The following USP43 variants were observed in gnomAD, a reference collection of about 807,000 sequenced individuals.
USP43 encodes ubiquitin carboxyl-terminal hydrolase 43.
USP43 carries 33 observed loss-of-function variants against 90.7 expected under a neutral mutation model. That is an observed-to-expected ratio of 0.36 (90% CI 0.28 to 0.49). The LOEUF (loss-of-function observed/expected upper bound fraction) is 0.49. Among genes scored for constraint, USP43 ranks in the 20% least tolerant of loss-of-function variants. USP43 has a pLI of 0.98. For synonymous variants in USP43, 598 were observed against 615.8 expected (o/e 0.97, Z 0.43); for missense variants, 1,274 against 1,476.4 (o/e 0.86, Z 2.25).
intron 5 of USP43, 71 bp from the exon 6 acceptor site, chr17:9,680,160 C>G: frequency 6.4e-7 from 1 of 1,551,972 alleles, no homozygotes; most frequent in Non-Finnish European, 8.8e-7. Context: ...GACTATCAGT[C>G]ACTTTTAGAT....
chr17:9,703,823 G>T (rs150873385), intron 12 of USP43, among the ~76,000 whole-genome samples: 22 of 152,324 alleles, frequency 1.4e-4, no homozygotes, highest in Admixed American at 1.4e-3. Flanking sequence ...CTGCCCTGCC[G>T]AGATGAGTGA....
At chr17:9,659,733 C>T (rs758577742) in intron 2 of USP43, among the ~76,000 whole-genome samples, 4 of 152,002 alleles carry the variant, frequency 2.6e-5, no homozygotes, top group Non-Finnish European at 5.9e-5. Context: ...AGAAGATCCC[C>T]GAGAGGTTAA....
chr17:9,661,260 G>T (rs1912621010), intron 2 of USP43, among the ~76,000 whole-genome samples: 2 of 152,204 alleles, frequency 1.3e-5, no homozygotes, highest in Non-Finnish European at 2.9e-5. Flanking sequence ...AGGGGATGAG[G>T]CTGGGGAGAA....
chr17:9,651,392 A>G (rs1308323541), intron 1 of USP43, among the ~76,000 whole-genome samples: 1 of 151,964 alleles, frequency 6.6e-6, no homozygotes, highest in Non-Finnish European at 1.5e-5. Context: ...GGGTTTCACC[A>G]TGTTGGCCAG....
At chr17:9,664,973 G>A (rs1365637869) in intron 2 of USP43, among the ~76,000 whole-genome samples, 1 of 152,174 alleles carries the variant, frequency 6.6e-6, no homozygotes, top group Non-Finnish European at 1.5e-5. Context: ...TTACTAAATA[G>A]CGTTATATTA....
chr17:9,659,260 G>A (rs865872213), intron 2 of USP43, among the ~76,000 whole-genome samples: 8 of 152,184 alleles, frequency 5.3e-5, no homozygotes, highest in African/African-American at 1.9e-4. Flanking sequence ...TTGATGCTTT[G>A]CACAATTTAT....
chr17:9,680,708 T>C (rs1216231437), intron 6 of USP43, among the ~76,000 whole-genome samples: 1 of 152,052 alleles, frequency 6.6e-6, no homozygotes, highest in Non-Finnish European at 1.5e-5. Context: ...ATGCTGCTGG[T>C]CCAGGAACCA....
At chr17:9,723,511 C>G (rs928435747) in intron 14 of USP43, among the ~76,000 whole-genome samples, 1 of 132,146 alleles carries the variant, frequency 7.6e-6, no homozygotes, top group African/African-American at 2.9e-5. Context: ...TTTTCCCTTC[C>G]CTTCCTTTCC....
Position 9,712,029 on chromosome 17 carries a change from C to T in USP43, c.2232C>T (p.Ser744=), listed in dbSNP as rs773754736. ...TACGGCTCGGGAGCCACGCTGGCAGCACAAGGGGAAGCCTGCTGTCCTGGA... is the reference window on the plus strand; with the variant it reads ...TACGGCTCGGGAGCCACGCTGGCAGTACAAGGGGAAGCCTGCTGTCCTGGA... ...WLLRLGSHAG[S]TRGSLLSWSS... The change falls in exon 14 of 15, where the codon AGC becomes AGT. Residue 744 remains serine (S), a synonymous_variant. Transcript: ENST00000285199. 1 of 1,612,460 alleles carries T rather than the reference C, an allele frequency of 6.2e-7. No homozygotes were observed. Among genetic ancestry groups the T allele is most frequent in the East Asian group, 2.2e-5 (1 of 44,720 alleles).
chr17:9,672,247 C>T (rs9900469), intron 3 of USP43, among the ~76,000 whole-genome samples: 29,160 of 152,116 alleles, frequency 0.19, 3,006 homozygotes, highest in East Asian at 0.32. Flanking sequence ...TTGCCCACCT[C>T]GGCCTCCCGA....
In USP43 at chr17:9,646,069, A is replaced by C; in HGVS notation, c.437A>C (p.Gln146Pro). 6.6e-7 allele frequency: 1 copy of C among 1,508,408 alleles called. No individual in the cohort carries two copies. Among genetic ancestry groups the C allele is most frequent in the Non-Finnish European group, 8.9e-7 (1 of 1,129,058 alleles). The allele number at this position is 1,508,408 out of a possible 1,614,324, so 93.4% of individuals were successfully genotyped here. ...CCGGGCCGCGCCGAGGTCACCGAGC[A>C]GCTGGCGGCGCTGGTGCGCGCGCTC... ...AAPGRAEVTE[Q>P]LAALVRALWT... is the part of the protein sequence containing the mutation. The change falls in exon 1 of 15, where the codon CAG becomes CCG. Residue 146 changes from glutamine (Q) to proline (P), a missense_variant. By Grantham distance (76) the Gln-to-Pro change is moderately conservative. Transcript: ENST00000285199.
chr17:9,717,769 C>T (rs1027554291), intron 14 of USP43, among the ~76,000 whole-genome samples: 3 of 151,528 alleles, frequency 2.0e-5, no homozygotes, highest in Admixed American at 6.6e-5. Context: ...TTATCTTACT[C>T]GTTACTTTTG....
chr17:9,679,055 G>A (rs752205260), intron 5 of USP43, among the ~76,000 whole-genome samples: 2 of 151,970 alleles, frequency 1.3e-5, no homozygotes, highest in Non-Finnish European at 2.9e-5. Context: ...AACTGTAATA[G>A]TAATAATAGT....
chr17:9,668,062 C>T (rs950775205), intron 3 of USP43, among the ~76,000 whole-genome samples: 25 of 152,194 alleles, frequency 1.6e-4, no homozygotes, highest in African/African-American at 6.0e-4. Flanking sequence ...CACTGTGATT[C>T]TCTGCTGCTC....
rs1268581345 is a variant in USP43 at position 9,701,890 on chromosome 17, G to A, written c.2011+190G>A. Among the ~76,000 whole-genome samples, 1 of 152,216 alleles carries A rather than the reference G, an allele frequency of 6.6e-6. No homozygotes were observed. Among genetic ancestry groups the A allele is most frequent in the Non-Finnish European group, 1.5e-5 (1 of 68,046 alleles). On this transcript the variant is annotated intron_variant, in intron 12 of 14. Transcript: ENST00000285199. The surrounding 1 kb of genome is among the most constrained non-coding windows in gnomAD (Gnocchi z 7.2). ...TAAGCCAAGGACCTGCCCTGTAGGAGCTGGTGGGGGAGAGAGAATTCCAGT... is the reference window on the plus strand; with the variant it reads ...TAAGCCAAGGACCTGCCCTGTAGGAACTGGTGGGGGAGAGAGAATTCCAGT...
At chr17:9,653,608 AG>A (rs1912027446) in intron 1 of USP43, among the ~76,000 whole-genome samples, 1 of 151,454 alleles carries the variant, frequency 6.6e-6, no homozygotes, top group African/African-American at 2.4e-5. Flanking sequence ...AAAAAAAAAA[AG>A]TAAAGGTCTA....
rs186330621 is a variant in USP43, at chr17:9,660,334, A to T, written c.636+3800A>T. On this transcript the variant is annotated intron_variant, in intron 2 of 14. Transcript: ENST00000285199. Reference sequence around the variant, plus strand: ...CCTGGCTAATTTTTGTATTTTTAGTAGAGACAGGGTTTCGCTATGTTGGCC... The same window carrying T: ...CCTGGCTAATTTTTGTATTTTTAGTTGAGACAGGGTTTCGCTATGTTGGCC... 7.9e-5 allele frequency among the ~76,000 whole-genome samples: 12 copies of T among 152,236 alleles called. No homozygotes were observed. The East Asian group carries it at 2.3e-3, about 29-fold the overall frequency.
Position 9,666,761 on chromosome 17 carries a change from G to T in USP43, c.740+10G>T. On this transcript the variant is annotated intron_variant, in intron 3 of 14. Transcript: ENST00000285199. ...TTCAAGCACAATATAGGTAAGATGG[G>T]GATGTGTTTAGAATGTATCACCCGA... 6.2e-7 allele frequency: 1 copy of T among 1,604,014 alleles called. No individual in the cohort carries two copies. The highest frequency in any genetic ancestry group is 8.5e-7 in the Non-Finnish European group (1 of 1,173,454).
chr17:9,666,035 C>G (rs962359476), intron 2 of USP43, among the ~76,000 whole-genome samples: 1 of 152,064 alleles, frequency 6.6e-6, no homozygotes, highest in Non-Finnish European at 1.5e-5. Context: ...GTTTACAGCC[C>G]CCAGTTTGTG....
Sources: gnomAD v4.1 joint callset for allele counts (sites outside exome capture counted in the v4.1 genomes callset) on GRCh38, gnomAD v4.1.1 for gene constraint, Gnocchi (gnomAD v3.1) non-coding constraint, MANE v1.5 for transcripts, NCBI Gene and HGNC (gene_info 2026-07-23, HGNC 2026-07-21) for gene names.